PHF20L1: variants seen among roughly 807,000 people sequenced by gnomAD.
PHF20L1 encodes PHD finger protein 20 like 1.
In PHF20L1, 44 loss-of-function variants were observed where a neutral mutation model predicts 125.5. The ratio of observed to expected loss-of-function variants is 0.35; its 90% CI spans 0.28 to 0.45. The LOEUF is 0.45. PHF20L1 is among the 20% of genes least tolerant of loss of function. The pLI is 1.00. For missense variants in PHF20L1, 1,012 were observed against 1,217.2 expected (o/e 0.83, Z 2.51); for synonymous variants, 380 against 403.1 (o/e 0.94, Z 0.69).
intron 20 of PHF20L1, among the ~76,000 whole-genome samples, chr8:132,844,915 C>G (rs1350872092): frequency 6.6e-6 from 1 of 152,006 alleles, no homozygotes; most frequent in Non-Finnish European, 1.5e-5. Flanking sequence ...CTGTTTCTTC[C>G]TAACATCATA....
chr8:132,804,607 G>T lies in PHF20L1; in HGVS notation c.722-8G>T. 6.3e-7 allele frequency: 1 copy of T among 1,599,586 alleles called. No homozygotes were observed. On this transcript the variant is annotated splice_polypyrimidine_tract_variant and splice_region_variant and intron_variant, in intron 7 of 20. Coordinates refer to ENST00000395386, the MANE Select transcript of PHF20L1 (RefSeq NM_016018.5). ...TAAACTCTCATATATGTGTTCTGTT[G>T]AAAGTAGGACTTCATGTAGAGAACG...
At chr8:132,782,026 G>A (rs1173887395) in intron 2 of PHF20L1, among the ~76,000 whole-genome samples, 1 of 152,116 alleles carries the variant, frequency 6.6e-6, no homozygotes, top group Admixed American at 6.5e-5. Flanking sequence ...ACGTGCTAAT[G>A]TTTACAGCTA....
chr8:132,848,045 G>A lies in PHF20L1; in HGVS notation c.*2122G>A, dbSNP rs1838540063. ...TCCTTAACCTATGAATAATGGTGTT[G>A]CCTAGATTCTTGTCACACACACAGA... On this transcript the variant is annotated 3_prime_UTR_variant, in exon 21 of 21. Coordinates refer to ENST00000395386, the MANE Select transcript of PHF20L1 (RefSeq NM_016018.5). 1 of 151,874 alleles carries A rather than the reference G, an allele frequency of 6.6e-6. No individual in the cohort carries two copies. The highest frequency in any genetic ancestry group is 1.5e-5 in the Non-Finnish European group (1 of 67,924). The allele number at this position is 151,874 out of a possible 1,614,324, so 9.4% of individuals were successfully genotyped here.
chr8:132,810,113 C>T (rs375492250), intron 8 of PHF20L1: 1 of 150,276 alleles, frequency 6.7e-6, no homozygotes, highest in Non-Finnish European at 1.5e-5. Context: ...GGCAGGATCT[C>T]GGCTCATTGC....
At chr8:132,804,085 G>A (rs1833406365) in intron 7 of PHF20L1, 53 bp downstream of exon 7, 1 of 1,203,716 alleles carries the variant, frequency 8.3e-7, no homozygotes. Context: ...AACTCATGTA[G>A]TAAAGTCAAA....
chr8:132,841,282 G>A (rs1442060322), intron 18 of PHF20L1, among the ~76,000 whole-genome samples: 4 of 152,126 alleles, frequency 2.6e-5, no homozygotes, highest in South Asian at 2.1e-4. Flanking sequence ...TCATTGTTGG[G>A]TAGTGAAAGA....
At chr8:132,833,695 G>A (rs1333462334) in intron 15 of PHF20L1, among the ~76,000 whole-genome samples, 1 of 152,000 alleles carries the variant, frequency 6.6e-6, no homozygotes, top group African/African-American at 2.4e-5. Flanking sequence ...TGGAGAATAG[G>A]GGTTATATCT....
At chr8:132,814,926 A>G in intron 10 of PHF20L1, 37 bp downstream of exon 10, 1 of 1,413,798 alleles carries the variant, frequency 7.1e-7, no homozygotes, top group Non-Finnish European at 9.7e-7. Context: ...TATTTATCCT[A>G]TAAGATACAT....
At chr8:132,813,460 G>C (rs1042798101) in intron 9 of PHF20L1, among the ~76,000 whole-genome samples, 1 of 151,890 alleles carries the variant, frequency 6.6e-6, no homozygotes, top group Non-Finnish European at 1.5e-5. Context: ...AATTTGACTT[G>C]TATCTCAGTG....
chr8:132,817,311 A>T, intron 11 of PHF20L1, 28 bp from the exon 12 acceptor site: 5 of 1,571,858 alleles, frequency 3.2e-6, no homozygotes, highest in Non-Finnish European at 4.4e-6. Context: ...CTGTGTTAAT[A>T]TTACATTACA....
In PHF20L1 at chr8:132,817,070, C is replaced by G. The variant is rs1835064501; in HGVS notation, c.1366C>G (p.Pro456Ala). Residue 456 changes from proline (P) to alanine (A), a missense_variant, in exon 11 of 21, where the codon CCA becomes GCA. Coordinates refer to ENST00000395386, the MANE Select transcript of PHF20L1 (RefSeq NM_016018.5). Reference sequence around the variant, plus strand: ...TCAAAATCAGCAAGAATCTTCAGTACCAGAGGGTAATGTATATTGATTTCC... The same window carrying G: ...TCAAAATCAGCAAGAATCTTCAGTAGCAGAGGGTAATGTATATTGATTTCC... ...SSQNQQESSV[P>A]EVPDVAHLPL... is the part of the protein sequence containing the mutation. The G allele has an allele frequency of 1.3e-6, 2 of 1,551,516 alleles. No homozygotes were observed.
At position 132,803,789 on chromosome 8, in the gene PHF20L1, C is replaced by A. The variant is rs754485501; in HGVS notation, c.508-30C>A. ...ATTACATTTTAATTAATTTTTAATA[C>A]TTCACATGTTTTGTGTTTTTCCTTT... On this transcript the variant is annotated intron_variant, in intron 6 of 20. Coordinates refer to ENST00000395386, the MANE Select transcript of PHF20L1 (RefSeq NM_016018.5). The A allele has an allele frequency of 1.5e-5, 18 of 1,230,630 alleles. No individual in the cohort carries two copies. The East Asian group carries it at 2.2e-4, about 15-fold the overall frequency. 76.2% of individuals were successfully genotyped at this position (1,230,630 alleles called of 1,614,324 possible).
intron 10 of PHF20L1, 120 bp from the exon 11 acceptor site, chr8:132,816,768 A>G: frequency 1.4e-6 from 1 of 694,400 alleles, no homozygotes; most frequent in Non-Finnish European, 2.4e-6. Flanking sequence ...TTCCTTGTGG[A>G]TATCTTATAA....
chr8:132,826,227 C>T (rs923372362), intron 14 of PHF20L1: 1 of 151,978 alleles, frequency 6.6e-6, no homozygotes, highest in African/African-American at 2.4e-5. Context: ...TTAGATGAAA[C>T]GCAATTGTTA....
intron 8 of PHF20L1, chr8:132,806,576 T>C (rs1016573869): frequency 6.6e-6 from 1 of 152,246 alleles, no homozygotes; most frequent in South Asian, 2.1e-4. Context: ...TAGTTCATTT[T>C]TCTACATCTA....
At chr8:132,819,649 C>G (rs887507993) in intron 12 of PHF20L1, among the ~76,000 whole-genome samples, 3 of 151,562 alleles carry the variant, frequency 2.0e-5, no homozygotes, top group Admixed American at 2.0e-4. Flanking sequence ...CCTTTTACAT[C>G]TAGAGCCAAA....
In PHF20L1 at chr8:132,831,890, A is replaced by G. The variant is rs1198301635; in HGVS notation, c.1745-345A>G. 2.0e-5 allele frequency among the ~76,000 whole-genome samples: 3 copies of G among 152,024 alleles called. No homozygotes were observed. In the East Asian group the frequency reaches 5.8e-4, roughly 29 times the overall value. On this transcript the variant is annotated intron_variant, in intron 14 of 20. Transcript: ENST00000395386. ...GTGTGTTGTTCTTCCCCATGTGTCC[A>G]TGTGTTGTCATCTTGCATATTTTAC...
At chr8:132,837,623 A>G (rs1289850952) in intron 16 of PHF20L1, 89 bp from the exon 17 acceptor site, 2 of 989,438 alleles carry the variant, frequency 2.0e-6, no homozygotes, top group Admixed American at 1.9e-5. Context: ...AAGCCAAGCC[A>G]GCCAATTCAA....
rs1308209211 is a variant in PHF20L1, at chr8:132,790,798, A to G, written c.84-3612A>G. ...TACACTTTGTGCTGATTAGGTCTAT[A>G]TTCTATATGTCCCCTAGCAAGTCTA... On this transcript the variant is annotated intron_variant, in intron 2 of 20. Transcript: ENST00000395386. Among the ~76,000 whole-genome samples the G allele has an allele frequency of 2.6e-5, 4 of 152,192 alleles. No homozygotes were observed. In the East Asian group the frequency reaches 7.7e-4, roughly 29 times the overall value.
Sources: gnomAD v4.1 joint callset for allele counts (sites outside exome capture counted in the v4.1 genomes callset) on GRCh38, gnomAD v4.1.1 for gene constraint, MANE v1.5 for transcripts, NCBI Gene and HGNC (gene_info 2026-07-23, HGNC 2026-07-21) for gene names.